The following MRPL52 variants were observed in gnomAD, a reference collection of about 807,000 sequenced individuals.
MRPL52 encodes mitochondrial ribosomal protein L52.
Under a neutral mutation model 22.1 loss-of-function variants are expected in MRPL52, and 19 were observed. The ratio of observed to expected loss-of-function variants is 0.86; its 90% CI spans 0.60 to 1.26. The LOEUF (loss-of-function observed/expected upper bound fraction) is 1.26, where lower values mean the gene tolerates loss of function less well. Ranked by LOEUF, MRPL52 falls within the 50% of genes most tolerant of loss-of-function variation. The pLI is 0.00. For synonymous variants in MRPL52, 50 were observed against 57.5 expected, an observed-to-expected ratio of 0.87 and a Z score of 0.59; for missense variants, 152 against 148.1, an observed-to-expected ratio of 1.03 and a Z score of -0.14.
rs556785209 is a variant in MRPL52 at position 22,834,672 on chromosome 14, C to T, written c.*351C>T. On this transcript the variant is annotated 3_prime_UTR_variant, in exon 5 of 5. Transcript: ENST00000397496. ...ACCCAGCCTGGTCAACATGGTGAAA[C>T]CCTGTCCCTACTAAAGATACAAACA... 27 of 187,098 alleles carry T rather than the reference C, an allele frequency of 1.4e-4. No homozygotes were observed. The South Asian group carries it at 2.8e-3, about 19-fold the overall frequency. The allele number at this position is 187,098 out of a possible 1,614,324, so 11.6% of individuals were successfully genotyped here.
chr14:22,833,445 G>C lies in MRPL52; in HGVS notation c.182G>C (p.Gly61Ala), dbSNP rs1417974110. 1.9e-6 allele frequency: 3 copies of C among 1,613,850 alleles called. No individual in the cohort carries two copies. Among genetic ancestry groups the C allele is most frequent in the Non-Finnish European group, 2.5e-6 (3 of 1,179,808 alleles). ...GGCCGCCCTGCTCCCCCAATGAAAGGCCAGCTTCGAAGAAAAGCTGAAAGG... is the reference window on the plus strand; with the variant it reads ...GGCCGCCCTGCTCCCCCAATGAAAGCCCAGCTTCGAAGAAAAGCTGAAAGG... ...ADGRPAPPMK[G>A]QLRRKAERET... Residue 61 changes from glycine (G) to alanine (A), a missense_variant, in exon 4 of 5, where the codon GGC becomes GCC. Gly to Ala is a moderately conservative substitution (Grantham distance 60). Coordinates refer to ENST00000397496, the MANE Select transcript of MRPL52 (RefSeq NM_180982.3).
chr14:22,830,142 C>T, intron 2 of MRPL52, 32 bp downstream of exon 2: 1 of 1,614,210 alleles, frequency 6.2e-7, no homozygotes, highest in South Asian at 1.1e-5. Flanking sequence ...CCTGGGGGAC[C>T]AGAAGCTGGG....
At chr14:22,830,625 C>G in intron 3 of MRPL52, 1 of 380,030 alleles carries the variant, frequency 2.6e-6, no homozygotes. Context: ...GCAGGGAGAG[C>G]TCTTTGAAAA....
At position 22,830,184 on chromosome 14, in the gene MRPL52, C is replaced by A. The variant is rs200328933; in HGVS notation, c.87-3C>A. On this transcript the variant is annotated splice_polypyrimidine_tract_variant and splice_region_variant and intron_variant, in intron 2 of 4. Transcript: ENST00000397496. ...CCTCACAGATCTGTTTTTCTCCACACAGGCAGGGACTGGCTGCCAACCCCT... is the reference window on the plus strand; with the variant it reads ...CCTCACAGATCTGTTTTTCTCCACAAAGGCAGGGACTGGCTGCCAACCCCT... 39 of 1,614,242 alleles carry A rather than the reference C, an allele frequency of 2.4e-5. No homozygotes were observed. The East Asian group carries it at 8.5e-4, about 35-fold the overall frequency.
chr14:22,831,383 G>T, intron 3 of MRPL52: 1 of 185,992 alleles, frequency 5.4e-6, no homozygotes, highest in Non-Finnish European at 1.1e-5. Flanking sequence ...CAAAGTGCTG[G>T]GATTACAGGC....
At position 22,834,246 on chromosome 14, in the gene MRPL52, G is replaced by A. The variant is rs778235602; in HGVS notation, c.294G>A (p.Gln98=). ...GGCAGCTCAGGCAGCAGAAGTTGCA[G>A]GAAGAACAAAGGAAGCAGGAAAATG... ...QAWQLRQQKL[Q]EEQRKQENAL... The change falls in exon 5 of 5, where the codon CAG becomes CAA. Residue 98 remains glutamine, a synonymous_variant. Transcript: ENST00000397496. 1.2e-5 allele frequency: 20 copies of A among 1,614,230 alleles called. No homozygotes were observed. The highest frequency in any genetic ancestry group is 1.7e-5 in the Non-Finnish European group (20 of 1,180,050).
rs146757783 is a variant in MRPL52, at chr14:22,829,937, T to C, written c.25T>C (p.Phe9Leu). 9,990 of 1,603,180 alleles carry C rather than the reference T, an allele frequency of 6.2e-3. 40 individuals carry two copies. The highest frequency in any genetic ancestry group is 7.8e-3 in the Admixed American group (460 of 58,854). The change falls in exon 1 of 5, where the codon TTC becomes CTC. Residue 9 changes from phenylalanine to leucine, a missense_variant. Transcript: ENST00000397496. ...CATGGCTGCTTTAGGGACTGTTCTC[T>C]TCAGTGAGTGGGTATAGATAGGGAC... MAALGTVLFSVRRLHCSVA... is the reference protein window; with the variant it reads MAALGTVLLSVRRLHCSVA...
chr14:22,833,007 G>A (rs1304355185), intron 3 of MRPL52, among the ~76,000 whole-genome samples: 1 of 151,684 alleles, frequency 6.6e-6, no homozygotes, highest in Admixed American at 6.6e-5. Context: ...GTGAAATCCC[G>A]TCTCTACTAA....
intron 3 of MRPL52, chr14:22,831,687 A>G (rs780333397): frequency 3.3e-5 from 5 of 152,244 alleles, no homozygotes; most frequent in Non-Finnish European, 1.5e-5. Flanking sequence ...AAAGTAAACT[A>G]CTTGGGTTAG....
intron 3 of MRPL52, chr14:22,831,278 A>AT: frequency 2.3e-6 from 1 of 433,418 alleles, no homozygotes; most frequent in East Asian, 4.0e-5. Flanking sequence ...ATTCCTGGCT[A>AT]ATTTTTTTTT....
At position 22,830,234 on chromosome 14, in the gene MRPL52, T is replaced by C. The variant is rs754114699; in HGVS notation, c.134T>C (p.Leu45Pro). The change falls in exon 3 of 5, where the codon CTC becomes CCC. Residue 45 changes from leucine (L) to proline (P), a missense_variant. Transcript: ENST00000397496. ...NPSGYGPLTELPDWSYADGRP... is the reference protein window; with the variant it reads ...NPSGYGPLTEPPDWSYADGRP... ...TCCGGCTACGGGCCCCTTACCGAGCTCCCAGACTGGTCATATGCGGGTAAG... is the reference window on the plus strand; with the variant it reads ...TCCGGCTACGGGCCCCTTACCGAGCCCCCAGACTGGTCATATGCGGGTAAG... 1.2e-5 allele frequency: 20 copies of C among 1,614,222 alleles called. No individual in the cohort carries two copies. The South Asian group carries it at 2.1e-4, about 17-fold the overall frequency.
chr14:22,834,163 CTGTT>C lies in MRPL52; in HGVS notation c.220-7_220-4del. 1 of 1,613,610 alleles carries C rather than the reference CTGTT, an allele frequency of 6.2e-7. No homozygotes were observed. Among genetic ancestry groups the C allele is most frequent in the Non-Finnish European group, 8.5e-7 (1 of 1,179,806 alleles). On this transcript the variant is annotated splice_region_variant and splice_polypyrimidine_tract_variant and intron_variant, in intron 4 of 4. Transcript: ENST00000397496. ...GATGTTATCCACACTGTTTTCCTGT[CTGTT>C]TCAGAGACGAGTTGTACTGCTGTCA...
intron 3 of MRPL52, chr14:22,831,095 A>C: frequency 2.2e-6 from 1 of 450,422 alleles, no homozygotes; most frequent in Middle Eastern, 3.6e-4. Flanking sequence ...CTCTGGAATT[A>C]CATATGACTG....
chr14:22,832,267 G>A (rs2039637707), intron 3 of MRPL52, among the ~76,000 whole-genome samples: 1 of 152,156 alleles, frequency 6.6e-6, no homozygotes, highest in African/African-American at 2.4e-5. Context: ...GCATTTCATT[G>A]TGGAGTGGGA....
At chr14:22,831,975 C>G (rs565758118) in intron 3 of MRPL52, 77 of 152,290 alleles carry the variant, frequency 5.1e-4, no homozygotes, top group African/African-American at 1.9e-3. Flanking sequence ...CCATTGCACT[C>G]CAGCCTGGGC....
Position 22,834,305 on chromosome 14 carries a change from C to T in MRPL52, c.353C>T (p.Pro118Leu). ...LKPKGASLKS[P>L]LPSQ ...CCCAAAGGGGCTTCACTGAAGAGCC[C>T]ACTTCCAAGTCAATAAAAAGCAACT... The change falls in exon 5 of 5, where the codon CCA becomes CTA. Residue 118 changes from proline to leucine, a missense_variant. Pro to Leu is a moderately conservative substitution (Grantham distance 98). Transcript: ENST00000397496. 1.9e-6 allele frequency: 3 copies of T among 1,612,170 alleles called. No individual in the cohort carries two copies. The Middle Eastern group carries it at 5.1e-4, about 276-fold the overall frequency.
chr14:22,834,721 G>A lies in MRPL52; in HGVS notation c.*400G>A, dbSNP rs550864852. ...CAATTAGCCGGGCGTGGTGGGGTGCGCTTGTAATCCCAGCTACTCAGGAGG... is the reference window on the plus strand; with the variant it reads ...CAATTAGCCGGGCGTGGTGGGGTGCACTTGTAATCCCAGCTACTCAGGAGG... On this transcript the variant is annotated 3_prime_UTR_variant, in exon 5 of 5. Coordinates refer to ENST00000397496, the MANE Select transcript of MRPL52 (RefSeq NM_180982.3). The A allele has an allele frequency of 8.9e-5, 14 of 157,934 alleles. No individual in the cohort carries two copies. Among genetic ancestry groups the A allele is most frequent in the South Asian group, 7.2e-4 (4 of 5,570 alleles). The allele number at this position is 157,934 out of a possible 1,614,324, so 9.8% of individuals were successfully genotyped here. A position where few individuals can be genotyped will look rare whatever the true frequency, so the allele number is the denominator to read the frequency against.
rs889730436 is a variant in MRPL52 at position 22,834,420 on chromosome 14, C to T, written c.*99C>T. 2.9e-6 allele frequency: 4 copies of T among 1,378,126 alleles called. No homozygotes were observed. The African/African-American group carries it at 4.4e-5, about 15-fold the overall frequency. The allele number at this position is 1,378,126 out of a possible 1,614,324, so 85.4% of individuals were successfully genotyped here. A position where few individuals can be genotyped will look rare whatever the true frequency, so the allele number is the denominator to read the frequency against. ...AGAAGATAGCCTTCACGTTCCCCAT[C>T]TGTCTTCAGAGAAAAAGAGCTGGGA... is the stretch of plus-strand genomic sequence containing the variant. On this transcript the variant is annotated 3_prime_UTR_variant, in exon 5 of 5. Transcript: ENST00000397496.
chr14:22,830,403 CTTG>C, intron 3 of MRPL52, 149 bp downstream of exon 3: 2 of 756,788 alleles, frequency 2.6e-6, no homozygotes. Flanking sequence ...AAGAAACCCT[CTTG>C]TTTATTTTGT....
Sources: allele counts gnomAD v4.1 joint callset (sites outside exome capture counted in the v4.1 genomes callset), GRCh38; gene constraint gnomAD v4.1.1; transcripts MANE v1.5; gene names NCBI Gene and HGNC (gene_info 2026-07-23, HGNC 2026-07-21).